The following MICU3 variants were observed in gnomAD, a reference collection of about 807,000 sequenced individuals.
MICU3 encodes the protein calcium uptake protein 3, mitochondrial.
In MICU3, 62 loss-of-function variants were observed where a neutral mutation model predicts 66.5. The observed-to-expected ratio is 0.93, with a 90% confidence interval of 0.76 to 1.15. MICU3 has a LOEUF of 1.15. MICU3 is among the 50% of genes most tolerant of loss of function. The pLI is 0.00. For synonymous variants in MICU3, 308 were observed against 240.7 expected (o/e 1.28, Z -2.59); for missense variants, 779 against 664.4 (o/e 1.17, Z -1.90).
chr8:17,040,418 C>T (rs1813869501), intron 1 of MICU3, among the ~76,000 whole-genome samples: 1 of 152,112 alleles, frequency 6.6e-6, no homozygotes, highest in South Asian at 2.1e-4. Context: ...TCATTTCATT[C>T]ATGCAAATTT....
chr8:17,039,644 T>C (rs1813684392), intron 1 of MICU3, among the ~76,000 whole-genome samples: 4 of 152,182 alleles, frequency 2.6e-5, no homozygotes, highest in African/African-American at 9.7e-5. Flanking sequence ...GGGGCTGGAC[T>C]ATTTTATAAG....
intron 5 of MICU3, among the ~76,000 whole-genome samples, chr8:17,084,780 C>T (rs1333745771): frequency 6.6e-6 from 1 of 152,046 alleles, no homozygotes; most frequent in African/African-American, 2.4e-5. Context: ...TTTGAAGCCT[C>T]TAGAAGTTTA....
the MICU3 span, among the ~76,000 whole-genome samples, chr8:17,133,543 C>G: frequency 6.6e-6 from 1 of 151,962 alleles, no homozygotes; most frequent in Non-Finnish European, 1.5e-5. Flanking sequence ...TGGATGTGAT[C>G]TTTTTAGTTG....
At chr8:17,082,241 A>G (rs979797288) in intron 5 of MICU3, among the ~76,000 whole-genome samples, 1 of 152,104 alleles carries the variant, frequency 6.6e-6, no homozygotes, top group Non-Finnish European at 1.5e-5. Flanking sequence ...AATGGAGACA[A>G]TCTGTTATAG....
intron 2 of MICU3, among the ~76,000 whole-genome samples, chr8:17,064,790 C>A (rs1013653369): frequency 6.6e-6 from 1 of 152,024 alleles, no homozygotes; most frequent in Non-Finnish European, 1.5e-5. Flanking sequence ...TGTTGTTTTC[C>A]ATGAAATATA....
intron 1 of MICU3, among the ~76,000 whole-genome samples, chr8:17,060,587 C>T (rs141737263): frequency 0.013 from 2,037 of 152,236 alleles, 45 homozygotes; most frequent in African/African-American, 0.046. Flanking sequence ...GCTGGGATTA[C>T]GGGCATGAGC....
the MICU3 span, among the ~76,000 whole-genome samples, chr8:17,129,101 A>G: frequency 3.9e-5 from 6 of 152,172 alleles, no homozygotes; most frequent in Non-Finnish European, 8.8e-5. Context: ...TAAAGTAAAG[A>G]CAACTCTTGA....
the MICU3 span, chr8:17,132,194 G>C: frequency 6.6e-6 from 1 of 152,220 alleles, no homozygotes; most frequent in African/African-American, 2.4e-5. Context: ...AAGGGAGCAA[G>C]AAGAGGAAAA....
chr8:17,079,657 C>T (rs1191947933), intron 4 of MICU3, among the ~76,000 whole-genome samples: 1 of 152,092 alleles, frequency 6.6e-6, no homozygotes, highest in East Asian at 1.9e-4. Context: ...ATTCTTCCCC[C>T]TCATTTTTTG....
chr8:17,118,744 C>G lies in MICU3; in HGVS notation c.1562C>G (p.Ser521Cys). 1.2e-6 allele frequency: 2 copies of G among 1,612,576 alleles called. No individual in the cohort carries two copies. The highest frequency in any genetic ancestry group is 1.1e-5 in the South Asian group (1 of 90,918). Residue 521 changes from serine (S) to cysteine (C), a missense_variant, in exon 14 of 15, where the codon TCC becomes TGC. Ser to Cys is a moderately radical substitution (Grantham distance 112). Coordinates refer to ENST00000318063, the MANE Select transcript of MICU3 (RefSeq NM_181723.3). ...GTCCAGAAGTACCCCACTTTCAAAT[C>G]CTGCCTGAAGAAAGAACTTCACAGC... ...KTVQKYPTFKSCLKKELHSR is the reference protein window; with the variant it reads ...KTVQKYPTFKCCLKKELHSR
intron 3 of MICU3, among the ~76,000 whole-genome samples, chr8:17,076,078 G>A (rs1820349253): frequency 6.6e-6 from 1 of 152,026 alleles, no homozygotes; most frequent in South Asian, 2.1e-4. Flanking sequence ...CTAGGCTGGA[G>A]TGCAGTGGTG....
chr8:17,058,027 T>C (rs1258189636), intron 1 of MICU3, among the ~76,000 whole-genome samples: 2 of 152,120 alleles, frequency 1.3e-5, no homozygotes, highest in East Asian at 3.9e-4. Context: ...TTTCTGTATT[T>C]TTAGCAGAGA....
chr8:17,048,928 C>A (rs1348462547), intron 1 of MICU3, among the ~76,000 whole-genome samples: 3 of 152,134 alleles, frequency 2.0e-5, no homozygotes, highest in Admixed American at 6.5e-5. Flanking sequence ...TGTCTTTGAA[C>A]CTGGCCTGGG....
chr8:17,134,661 G>T, the MICU3 span, among the ~76,000 whole-genome samples: 10 of 152,084 alleles, frequency 6.6e-5, no homozygotes, highest in Admixed American at 1.3e-4. Flanking sequence ...AGCCAGGATG[G>T]TCTCAATCTC....
At chr8:17,044,926 A>G (rs73539139) in intron 1 of MICU3, among the ~76,000 whole-genome samples, 1,921 of 152,276 alleles carry the variant, frequency 0.013, 37 homozygotes, top group African/African-American at 0.044. Context: ...GAAATTCTCA[A>G]AAAACAATTT....
At chr8:17,128,784 G>A in the MICU3 span, among the ~76,000 whole-genome samples, 1 of 152,176 alleles carries the variant, frequency 6.6e-6, no homozygotes, top group Non-Finnish European at 1.5e-5. Context: ...TGGGATGGCA[G>A]AAATGGGACC....
chr8:17,031,262 T>TTTATTATTATTA (rs60712856), intron 1 of MICU3, among the ~76,000 whole-genome samples: 1,830 of 139,146 alleles, frequency 0.013, 19 homozygotes, highest in Non-Finnish European at 0.014. Flanking sequence ...TGCCACTTCA[T>TTTATTATTATTA]TTATTATTAT....
downstream of MICU3, among the ~76,000 whole-genome samples, chr8:17,127,534 T>G (rs1426999716): frequency 4.3e-4 from 18 of 41,414 alleles, 1 homozygote; most frequent in Admixed American, 3.6e-3. Context: ...TTTCTAAAAT[T>G]TATAAAGATT....
rs187282790 is a variant in MICU3 at position 17,052,243 on chromosome 8, T to C, written c.382-11841T>C. On this transcript the variant is annotated intron_variant, in intron 1 of 14. Coordinates refer to ENST00000318063, the MANE Select transcript of MICU3 (RefSeq NM_181723.3). ...TTTATCATGATACATAATATTTGTA[T>C]GTATTTATGGGGTGTGTATGATATT... Among the ~76,000 whole-genome samples, 605 of 152,256 alleles carry C rather than the reference T, an allele frequency of 4.0e-3. 14 individuals are homozygous for C. Among genetic ancestry groups the C allele is most frequent in the Admixed American group, 0.037 (572 of 15,284 alleles).
Sources: gnomAD v4.1 joint callset for allele counts (sites outside exome capture counted in the v4.1 genomes callset) on GRCh38, gnomAD v4.1.1 for gene constraint, MANE v1.5 for transcripts, NCBI Gene and HGNC (gene_info 2026-07-23, HGNC 2026-07-21) for gene names.